Variants in PBX1 observed in about 807,000 individuals in gnomAD.
PBX1 encodes the protein pre-B-cell leukemia transcription factor 1.
A neutral mutation model predicts 53.4 loss-of-function variants in PBX1; 6 were observed. That is an observed-to-expected ratio of 0.11 (90% CI 0.06 to 0.22). The LOEUF is 0.22. Ranked by LOEUF, PBX1 falls within the 10% of genes least tolerant of loss-of-function variation. PBX1 has a pLI of 1.00. For synonymous variants in PBX1, 204 were observed against 212.3 expected (o/e 0.96, Z 0.34); for missense variants, 251 against 551.4 (o/e 0.46, Z 5.46).
intron 2 of PBX1, among the ~76,000 whole-genome samples, chr1:164,654,886 T>C (rs898260321): frequency 2.0e-5 from 3 of 152,140 alleles, no homozygotes; most frequent in African/African-American, 4.8e-5. Context: ...CATCAGGAGC[T>C]TGTGATTGGG....
chr1:164,823,861 T>C (rs1008375252), intron 8 of PBX1, among the ~76,000 whole-genome samples: 27 of 152,178 alleles, frequency 1.8e-4, no homozygotes, highest in African/African-American at 6.5e-4. Context: ...AGGCTGATCG[T>C]GATATGTTCT....
At chr1:164,622,241 G>A (rs1657728512) in intron 2 of PBX1, among the ~76,000 whole-genome samples, 1 of 152,142 alleles carries the variant, frequency 6.6e-6, no homozygotes, top group Non-Finnish European at 1.5e-5. Context: ...TCCCAGCGTT[G>A]TCTCTTGTGA....
chr1:164,659,247 C>T (rs765686187), intron 2 of PBX1, among the ~76,000 whole-genome samples: 5 of 152,214 alleles, frequency 3.3e-5, no homozygotes, highest in Non-Finnish European at 7.3e-5. Flanking sequence ...CATCGATTCA[C>T]ATCTCAGCTG....
chr1:164,846,490 T>G, intron 8 of PBX1, 94 bp from the exon 9 acceptor site: 1 of 1,027,060 alleles, frequency 9.7e-7, no homozygotes, highest in East Asian at 2.4e-5. Context: ...GGCACTATGC[T>G]AGGTCCTTTA....
chr1:164,560,266 T>C, intron 1 of PBX1: 1 of 405,250 alleles, frequency 2.5e-6, no homozygotes, highest in East Asian at 3.6e-5. Flanking sequence ...GGGTATTCAT[T>C]TATATCCACA....
intron 8 of PBX1, among the ~76,000 whole-genome samples, chr1:164,833,291 C>T (rs1484981201): frequency 2.0e-5 from 3 of 152,096 alleles, no homozygotes; most frequent in South Asian, 2.1e-4. Context: ...GTGATTTTTG[C>T]GGTTGAAAAA....
chr1:164,653,565 G>A (rs1435151731), intron 2 of PBX1, among the ~76,000 whole-genome samples: 3 of 152,042 alleles, frequency 2.0e-5, no homozygotes, highest in Admixed American at 1.3e-4. Context: ...TTGAGGTCAG[G>A]AGTTCGAGAC....
intron 8 of PBX1, among the ~76,000 whole-genome samples, chr1:164,846,259 A>C (rs911663923): frequency 3.3e-5 from 5 of 152,202 alleles, no homozygotes; most frequent in South Asian, 2.1e-4. Context: ...CCAGAGCCAG[A>C]ACCAAAACTT....
chr1:164,661,422 C>T (rs553140396), intron 2 of PBX1, among the ~76,000 whole-genome samples: 12 of 144,214 alleles, frequency 8.3e-5, no homozygotes, highest in Non-Finnish European at 1.4e-4. Flanking sequence ...CACTGTAAGC[C>T]AGTTTTTTTT....
At chr1:164,738,165 T>C (rs969658744) in intron 2 of PBX1, among the ~76,000 whole-genome samples, 2 of 152,224 alleles carry the variant, frequency 1.3e-5, no homozygotes, top group Admixed American at 1.3e-4. Flanking sequence ...GATGAACATT[T>C]GGATCATTTA....
chr1:164,699,859 T>C lies in PBX1; in HGVS notation c.266-92635T>C, dbSNP rs75457932. On this transcript the variant is annotated intron_variant, in intron 2 of 8. Coordinates refer to ENST00000420696, the MANE Select transcript of PBX1 (RefSeq NM_002585.4). ...TCGTCCCTGGCGTTGATGTTATTTATTTTCCTCAGTTGCTGCTCTGGAAGC... is the reference window on the plus strand; with the variant it reads ...TCGTCCCTGGCGTTGATGTTATTTACTTTCCTCAGTTGCTGCTCTGGAAGC... Among the ~76,000 whole-genome samples, 317 of 152,294 alleles carry C rather than the reference T, an allele frequency of 2.1e-3. 3 individuals carry two copies. The highest frequency in any genetic ancestry group is 0.019 in the East Asian group (98 of 5,176).
At chr1:164,742,929 A>G (rs1665688120) in intron 2 of PBX1, among the ~76,000 whole-genome samples, 2 of 152,196 alleles carry the variant, frequency 1.3e-5, no homozygotes, top group South Asian at 4.1e-4. Flanking sequence ...AATAGTAATG[A>G]ATAACTTCAT....
chr1:164,727,162 C>T (rs1416976676), intron 2 of PBX1, among the ~76,000 whole-genome samples: 2 of 152,162 alleles, frequency 1.3e-5, no homozygotes, highest in African/African-American at 4.8e-5. Context: ...GCATTCACCC[C>T]TTGGCATGCT....
intron 2 of PBX1, among the ~76,000 whole-genome samples, chr1:164,671,781 G>A (rs919049229): frequency 1.1e-4 from 17 of 152,134 alleles, no homozygotes; most frequent in Admixed American, 2.0e-4. Flanking sequence ...CCTTTGGAAT[G>A]AGGGTTTTGT....
At chr1:164,670,328 C>T (rs1369365016) in intron 2 of PBX1, among the ~76,000 whole-genome samples, 1 of 152,140 alleles carries the variant, frequency 6.6e-6, no homozygotes, top group East Asian at 1.9e-4. Flanking sequence ...TTATGCTTCC[C>T]CACTCAATCC....
At chr1:164,579,748 T>C (rs1313386767) in intron 2 of PBX1, among the ~76,000 whole-genome samples, 3 of 152,114 alleles carry the variant, frequency 2.0e-5, no homozygotes, top group Non-Finnish European at 4.4e-5. Flanking sequence ...CATCCTGGAA[T>C]GAAACTGAAC....
Position 164,559,978 on chromosome 1 carries a change from C to G in PBX1, c.156C>G (p.Thr52=). ...GAGACATTTTACAGCAAATTATGAC[C>G]ATCACAGACCAGAGTTTGGATGAGG... ...DIGDILQQIM[T]ITDQSLDEAQ... is the part of the protein sequence containing the mutation. Residue 52 remains threonine, a synonymous_variant, in exon 1 of 9, where the codon ACC becomes ACG. Transcript: ENST00000420696. 6.7e-7 allele frequency: 1 copy of G among 1,500,664 alleles called. No individual in the cohort carries two copies. The highest frequency in any genetic ancestry group is 8.9e-7 in the Non-Finnish European group (1 of 1,118,654). 93.0% of individuals were successfully genotyped at this position (1,500,664 alleles called of 1,614,324 possible).
chr1:164,562,093 T>G (rs1228781356), intron 1 of PBX1, among the ~76,000 whole-genome samples: 1 of 152,134 alleles, frequency 6.6e-6, no homozygotes, highest in Admixed American at 6.6e-5. Flanking sequence ...TATTTATTAT[T>G]TACAAAAGTA....
In PBX1 at chr1:164,737,519, C is replaced by A. The variant is rs146650040; in HGVS notation, c.266-54975C>A. ...TTTTTTTGAGACAGAGTCTCTGTCA[C>A]CCAGGCTGGAGTGCAGTGGCATGAT... On this transcript the variant is annotated intron_variant, in intron 2 of 8. Coordinates refer to ENST00000420696, the MANE Select transcript of PBX1 (RefSeq NM_002585.4). 1.3e-3 allele frequency among the ~76,000 whole-genome samples: 194 copies of A among 151,198 alleles called. 2 individuals carry two copies. The highest frequency in any genetic ancestry group is 0.011 in the East Asian group (59 of 5,134).
Sources: gnomAD v4.1 joint callset for allele counts (sites outside exome capture counted in the v4.1 genomes callset) on GRCh38, gnomAD v4.1.1 for gene constraint, MANE v1.5 for transcripts, NCBI Gene and HGNC (gene_info 2026-07-23, HGNC 2026-07-21) for gene names.